The following PELI1 variants were observed in gnomAD, a reference collection of about 807,000 sequenced individuals.
The protein encoded by PELI1 is pellino E3 ubiquitin protein ligase 1.
In PELI1, 15 loss-of-function variants were observed where a neutral mutation model predicts 41.3. The observed-to-expected ratio is 0.36, with a 90% CI of 0.24 to 0.56. The LOEUF (loss-of-function observed/expected upper bound fraction) is 0.56. Among genes scored for constraint, PELI1 ranks in the 20% least tolerant of loss-of-function variants. PELI1 has a pLI of 0.82. For synonymous variants in PELI1, 178 were observed against 180.1 expected (o/e 0.99, Z 0.09); for missense variants, 403 against 525.5 (o/e 0.77, Z 2.28).
At chr2:64,138,687 A>G (rs1681797354) in intron 1 of PELI1, among the ~76,000 whole-genome samples, 1 of 152,308 alleles carries the variant, frequency 6.6e-6, no homozygotes, top group Non-Finnish European at 1.5e-5. Flanking sequence ...AGATCGCCCC[A>G]CTGCACTCCA....
At position 64,120,642 on chromosome 2, in the gene PELI1, C is replaced by T. The variant is rs113715370; in HGVS notation, c.-69-12263G>A. Among the ~76,000 whole-genome samples, 17 of 152,336 alleles carry T rather than the reference C, an allele frequency of 1.1e-4. 1 individual carries two copies. The highest frequency in any genetic ancestry group is 4.1e-4 in the African/African-American group (17 of 41,584). Reference sequence around the variant, plus strand: ...AGTTCACAGCCACCTAAGTAAATGGCTATCCAGACAATTTCAGCCTTAATT... The same window carrying T: ...AGTTCACAGCCACCTAAGTAAATGGTTATCCAGACAATTTCAGCCTTAATT... On this transcript the variant is annotated intron_variant, in intron 1 of 6. Coordinates refer to ENST00000358912, the MANE Select transcript of PELI1 (RefSeq NM_020651.4).
At chr2:64,125,301 C>G (rs536894587) in intron 1 of PELI1, among the ~76,000 whole-genome samples, 1 of 152,094 alleles carries the variant, frequency 6.6e-6, no homozygotes, top group South Asian at 2.1e-4. Context: ...CATCTCAGGG[C>G]CCCACCCTAA....
intron 1 of PELI1, among the ~76,000 whole-genome samples, chr2:64,143,692 G>T (rs553489556): frequency 8.5e-4 from 130 of 152,298 alleles, no homozygotes; most frequent in African/African-American, 3.1e-3. Context: ...GAAGTTATCA[G>T]ATCCGCACAA....
intron 1 of PELI1, among the ~76,000 whole-genome samples, chr2:64,139,110 T>C (rs1227809855): frequency 6.6e-6 from 1 of 152,190 alleles, no homozygotes; most frequent in Admixed American, 6.5e-5. Flanking sequence ...TCATTAAATA[T>C]CCAGAGTCTA....
In PELI1 at chr2:64,140,787, C is replaced by CAAAAAAAAAAAAAAAA. The variant is rs377041268; in HGVS notation, c.-70+3293_-70+3294insTTTTTTTTTTTTTTTT. ...GAAGTGATCTACTCAAGACAACATG[C>CAAAAAAAAAAAAAAAA]AAAAAAAAAAAACAAACAAACAAAA... On this transcript the variant is annotated intron_variant, in intron 1 of 6. Transcript: ENST00000358912. 2.5e-3 allele frequency among the ~76,000 whole-genome samples: 118 copies of CAAAAAAAAAAAAAAAA among 46,296 alleles called. 34 individuals are homozygous for CAAAAAAAAAAAAAAAA. Among genetic ancestry groups the CAAAAAAAAAAAAAAAA allele is most frequent in the African/African-American group, 6.7e-3 (57 of 8,532 alleles). The allele number at this position is 46,296 out of a possible 152,430, so 30.4% of individuals were successfully genotyped here.
chr2:64,114,741 G>A (rs1680934434), intron 1 of PELI1, among the ~76,000 whole-genome samples: 1 of 152,168 alleles, frequency 6.6e-6, no homozygotes, highest in Non-Finnish European at 1.5e-5. Context: ...ATTGTAGGGG[G>A]TTCAGCAGTA....
chr2:64,126,091 T>A (rs1213334868), intron 1 of PELI1, among the ~76,000 whole-genome samples: 1 of 152,226 alleles, frequency 6.6e-6, no homozygotes, highest in Non-Finnish European at 1.5e-5. Context: ...TTTCTTCTAT[T>A]AATAACCATT....
intron 1 of PELI1, among the ~76,000 whole-genome samples, chr2:64,135,708 G>A (rs1199505164): frequency 6.6e-6 from 1 of 152,118 alleles, no homozygotes; most frequent in African/African-American, 2.4e-5. Flanking sequence ...AAGCTTAATA[G>A]ATTGAATTTT....
At position 64,144,402 on chromosome 2, in the gene PELI1, A is replaced by ACACCGCCTCT. The variant is rs1682044564; in HGVS notation, c.-401_-392dup. The ACACCGCCTCT allele has an allele frequency of 2.0e-5, 3 of 149,704 alleles. No individual in the cohort carries two copies. Among genetic ancestry groups the ACACCGCCTCT allele is most frequent in the African/African-American group, 7.3e-5 (3 of 40,956 alleles). 9.3% of individuals were successfully genotyped at this position (149,704 alleles called of 1,614,324 possible). ...CGCCCCCCGACGGTCCCTCCGCCTC[A>ACACCGCCTCT]CACCGCCTCTGGGTCACTGACATAC... is the stretch of plus-strand genomic sequence containing the variant. On this transcript the variant is annotated 5_prime_UTR_variant, in exon 1 of 7. Transcript: ENST00000358912.
At chr2:64,100,670 C>T (rs1360437953) in intron 3 of PELI1, among the ~76,000 whole-genome samples, 171 bp from the exon 4 acceptor site, 2 of 151,980 alleles carry the variant, frequency 1.3e-5, no homozygotes, top group Non-Finnish European at 2.9e-5. Flanking sequence ...AGTAGTTTCT[C>T]GGGTTGAATG....
At chr2:64,140,554 A>G (rs957401379) in intron 1 of PELI1, among the ~76,000 whole-genome samples, 1 of 152,116 alleles carries the variant, frequency 6.6e-6, no homozygotes, top group Non-Finnish European at 1.5e-5. Flanking sequence ...AAGGTAGGTA[A>G]GCTAACTGAA....
chr2:64,101,066 TTAAG>T (rs1178441409), intron 3 of PELI1, among the ~76,000 whole-genome samples: 2 of 152,066 alleles, frequency 1.3e-5, no homozygotes, highest in Admixed American at 6.6e-5. Context: ...GACTCCCTTA[TTAAG>T]TATTTTAAAT....
At chr2:64,134,415 A>G (rs924916861) in intron 1 of PELI1, among the ~76,000 whole-genome samples, 3 of 152,182 alleles carry the variant, frequency 2.0e-5, no homozygotes, top group African/African-American at 7.2e-5. Flanking sequence ...GAGAACAGAC[A>G]GGGCTAGTTC....
intron 4 of PELI1, among the ~76,000 whole-genome samples, chr2:64,099,199 CACAT>C (rs1553354354): frequency 6.6e-5 from 10 of 151,158 alleles, no homozygotes; most frequent in African/African-American, 1.7e-4. Flanking sequence ...CACACACACA[CACAT>C]ATATATTTAT....
intron 1 of PELI1, among the ~76,000 whole-genome samples, chr2:64,119,197 A>C (rs537968834): frequency 1.3e-5 from 2 of 152,340 alleles, no homozygotes; most frequent in African/African-American, 4.8e-5. Flanking sequence ...TTCTTCCCTA[A>C]GATGGAAGGA....
At chr2:64,097,012 G>A (rs79965583) in intron 4 of PELI1, among the ~76,000 whole-genome samples, 7,001 of 152,244 alleles carry the variant, frequency 0.046, 512 homozygotes, top group African/African-American at 0.16. Context: ...ACATATATAA[G>A]TAAATCTTTT....
Position 64,094,969 on chromosome 2 carries a change from A to G in PELI1, c.990T>C (p.Asp330=). The change falls in exon 7 of 7, where the codon GAT becomes GAC. Residue 330 remains aspartate, a synonymous_variant. Coordinates refer to ENST00000358912, the MANE Select transcript of PELI1 (RefSeq NM_020651.4). The part of the protein sequence containing the change: ...WGNKEERDGK[D]RECPMCRSVG... Reference sequence around the variant, plus strand: ...CAGACCTACACATAGGACATTCACGATCTTTTCCATCACGTTCTTCTTTGT... The same window carrying G: ...CAGACCTACACATAGGACATTCACGGTCTTTTCCATCACGTTCTTCTTTGT... The G allele has an allele frequency of 6.2e-7, 1 of 1,614,226 alleles. No homozygotes were observed. Among genetic ancestry groups the G allele is most frequent in the Non-Finnish European group, 8.5e-7 (1 of 1,180,034 alleles).
chr2:64,131,960 A>C (rs548692471), intron 1 of PELI1, among the ~76,000 whole-genome samples: 4 of 152,192 alleles, frequency 2.6e-5, no homozygotes, highest in Non-Finnish European at 5.9e-5. Flanking sequence ...GAGGCAGAAC[A>C]GATATGGAAA....
Position 64,098,987 on chromosome 2 carries a change from A to G in PELI1, c.303+1411T>C, listed in dbSNP as rs560872896. 2.0e-5 allele frequency among the ~76,000 whole-genome samples: 3 copies of G among 152,328 alleles called. No individual in the cohort carries two copies. The East Asian group carries it at 5.8e-4, about 29-fold the overall frequency. The stretch of plus-strand genomic sequence containing the variant: ...CAAGGGCCTTCATTAGATGGTGAAG[A>G]CATTGTTTCAGAATTCAGGATGCCT... On this transcript the variant is annotated intron_variant, in intron 4 of 6. Coordinates refer to ENST00000358912, the MANE Select transcript of PELI1 (RefSeq NM_020651.4).
Sources: allele counts gnomAD v4.1 joint callset (sites outside exome capture counted in the v4.1 genomes callset), GRCh38; gene constraint gnomAD v4.1.1; transcripts MANE v1.5; gene names NCBI Gene and HGNC (gene_info 2026-07-23, HGNC 2026-07-21).